The following PRPSAP1 variants were observed in gnomAD, a reference collection of about 807,000 sequenced individuals.
The protein encoded by PRPSAP1 is phosphoribosyl pyrophosphate synthetase associated protein 1.
In PRPSAP1, 31 loss-of-function variants were observed where a neutral mutation model predicts 39.4. The ratio of observed to expected loss-of-function variants is 0.79; its 90% confidence interval spans 0.59 to 1.06. The LOEUF (loss-of-function observed/expected upper bound fraction) is 1.06, where lower values mean the gene tolerates loss of function less well. PRPSAP1 is among the 50% of genes least tolerant of loss of function. The pLI is 0.00. For synonymous variants in PRPSAP1, 212 were observed against 192.6 expected, an observed-to-expected ratio of 1.10 and a Z score of -0.83; for missense variants, 430 against 511.6, an observed-to-expected ratio of 0.84 and a Z score of 1.54.
intron 2 of PRPSAP1, among the ~76,000 whole-genome samples, chr17:76,347,514 A>C (rs868052946): frequency 2.7e-5 from 4 of 147,648 alleles, no homozygotes; most frequent in African/African-American, 1.0e-4. Flanking sequence ...AAAAAAAAAG[A>C]AAGCAGACAG....
chr17:76,353,203 G>A, intron 1 of PRPSAP1: 1 of 271,858 alleles, frequency 3.7e-6, no homozygotes, highest in South Asian at 7.1e-5. Flanking sequence ...CAAGCCCTGA[G>A]CCCCTTTCCC....
At chr17:76,312,361 C>G (rs929371095) in intron 9 of PRPSAP1, among the ~76,000 whole-genome samples, 1 of 151,524 alleles carries the variant, frequency 6.6e-6, no homozygotes. Flanking sequence ...CGTTTGAACC[C>G]GGGAGGCAGA....
intron 8 of PRPSAP1, chr17:76,313,573 CAT>C: frequency 4.3e-6 from 2 of 468,696 alleles, no homozygotes; most frequent in Non-Finnish European, 7.6e-6. Context: ...CTAGAATCCA[CAT>C]GATGAAGGTG....
chr17:76,334,573 T>C (rs1457230128), intron 3 of PRPSAP1, among the ~76,000 whole-genome samples: 1 of 152,096 alleles, frequency 6.6e-6, no homozygotes, highest in Non-Finnish European at 1.5e-5. Context: ...GAACTTCCAA[T>C]TTCACCCTTG....
intron 7 of PRPSAP1, among the ~76,000 whole-genome samples, chr17:76,315,422 T>C (rs1026036309): frequency 6.6e-6 from 1 of 152,210 alleles, no homozygotes; most frequent in African/African-American, 2.4e-5. Context: ...ACAGGCACTG[T>C]GTATCTCAAA....
At position 76,313,857 on chromosome 17, in the gene PRPSAP1, TAC is replaced by T. The variant is rs760423254; in HGVS notation, c.814_815del (p.Val272SerfsTer14). On this transcript the variant is annotated frameshift_variant, in exon 8 of 10. Coordinates refer to ENST00000446526, the MANE Select transcript of PRPSAP1 (RefSeq NM_002766.3). LOFTEE classifies it high-confidence loss of function. ...MMAKEKPPIT[V>X]VGDVGGRIAI... ...CGATGCGGCCTCCAACATCTCCAAC[TAC>T]AGTTATCGGTGGCTTCTCTTTGGCC... The T allele has an allele frequency of 4.3e-6, 7 of 1,614,172 alleles. No individual in the cohort carries two copies. The highest frequency in any genetic ancestry group is 5.9e-6 in the Non-Finnish European group (7 of 1,180,034).
chr17:76,310,321 A>C lies in PRPSAP1; in HGVS notation c.*1221T>G, dbSNP rs1302769018. On this transcript the variant is annotated 3_prime_UTR_variant, in exon 10 of 10. Transcript: ENST00000446526. ...CTCTTTGTAGTCTTTTTATGCTTTT[A>C]ACTTAGCTAGGCTAATTTTTGTATT... 2.3e-5 allele frequency: 3 copies of C among 131,800 alleles called. No individual in the cohort carries two copies. Among genetic ancestry groups the C allele is most frequent in the African/African-American group, 1.1e-4 (3 of 28,458 alleles). 8.2% of individuals were successfully genotyped at this position (131,800 alleles called of 1,614,324 possible).
chr17:76,327,326 C>T (rs1281644614), intron 7 of PRPSAP1, among the ~76,000 whole-genome samples: 1 of 143,568 alleles, frequency 7.0e-6, no homozygotes. Flanking sequence ...CCAGCCTGGG[C>T]GACAGAACGA....
intron 3 of PRPSAP1, among the ~76,000 whole-genome samples, chr17:76,339,302 G>A (rs1292030206): frequency 6.6e-6 from 1 of 151,186 alleles, no homozygotes; most frequent in Non-Finnish European, 1.5e-5. Flanking sequence ...CTACTCAGGA[G>A]GCTGAGGCAG....
At chr17:76,340,094 C>T (rs141797711) in intron 3 of PRPSAP1, among the ~76,000 whole-genome samples, 1,724 of 147,240 alleles carry the variant, frequency 0.012, 87 homozygotes, top group African/African-American at 0.043. Flanking sequence ...TGCAGTGAGC[C>T]GAGATCGTGC....
chr17:76,335,385 C>T (rs528876583), intron 3 of PRPSAP1, among the ~76,000 whole-genome samples: 2 of 151,902 alleles, frequency 1.3e-5, no homozygotes, highest in African/African-American at 4.8e-5. Context: ...GATGGAAATT[C>T]GTTTTTGTCA....
chr17:76,350,709 TAAA>T (rs2071558879), intron 1 of PRPSAP1, among the ~76,000 whole-genome samples: 2 of 152,026 alleles, frequency 1.3e-5, no homozygotes, highest in Admixed American at 6.6e-5. Context: ...TGAATGTAGT[TAAA>T]GCCACTGAAG....
chr17:76,332,350 G>A lies in PRPSAP1; in HGVS notation c.376C>T (p.Pro126Ser), dbSNP rs2071331025. The change falls in exon 4 of 10, where the codon CCC (proline) becomes TCC (serine). Residue 126 changes from proline (P) to serine (S), a missense_variant. This residue lies in a region of PRPSAP1 where 278 missense variants were observed against 376.3 expected (regional missense o/e 0.74). Transcript: ENST00000446526. ...CTCTGCTTGCTGTAGGGGAAGTAGG[G>A]GATGACCCCAATAATGTTCCTGGCA... ...ACARNIIGVI[P>S]YFPYSKQSKM... 1 of 1,614,004 alleles carries A rather than the reference G, an allele frequency of 6.2e-7. No homozygotes were observed. The highest frequency in any genetic ancestry group is 1.3e-5 in the African/African-American group (1 of 74,896).
intron 7 of PRPSAP1, among the ~76,000 whole-genome samples, chr17:76,317,816 C>G (rs182239167): frequency 6.6e-6 from 1 of 152,196 alleles, no homozygotes; most frequent in East Asian, 1.9e-4. Context: ...TTCAGCAGAA[C>G]CCCCAACATA....
At chr17:76,312,163 G>A (rs778314207) in intron 9 of PRPSAP1, among the ~76,000 whole-genome samples, 4 of 152,136 alleles carry the variant, frequency 2.6e-5, no homozygotes, top group East Asian at 1.9e-4. Context: ...CATTTAGGCC[G>A]GGCACAGTGG....
intron 3 of PRPSAP1, among the ~76,000 whole-genome samples, chr17:76,341,686 T>A (rs2071440600): frequency 1.3e-5 from 2 of 152,366 alleles, no homozygotes; most frequent in Admixed American, 1.3e-4. Context: ...ACGCCTATAA[T>A]CCCAGCACTT....
At chr17:76,352,107 G>GT (rs2071581763) in intron 1 of PRPSAP1, among the ~76,000 whole-genome samples, 1 of 150,640 alleles carries the variant, frequency 6.6e-6, no homozygotes, top group South Asian at 2.1e-4. Context: ...AATGACTAAA[G>GT]TTTTCCCTTT....
In PRPSAP1 at chr17:76,332,356, C is replaced by T. The variant is rs1167329503; in HGVS notation, c.370G>A (p.Val124Ile). ...TTGCTGTAGGGGAAGTAGGGGATGA[C>T]CCCAATAATGTTCCTGGCACAGGCA... The part of the protein sequence containing the change: ...KTACARNIIG[V>I]IPYFPYSKQS... The change falls in exon 4 of 10, where the codon GTC becomes ATC. Residue 124 changes from valine to isoleucine, a missense_variant. By Grantham distance (29) the Val-to-Ile change is conservative. Around this residue, in one of 2 missense-constraint regions of PRPSAP1, gnomAD observed 278 missense variants for 376.3 expected, o/e 0.74. Transcript: ENST00000446526. 1 of 1,614,192 alleles carries T rather than the reference C, an allele frequency of 6.2e-7. No individual in the cohort carries two copies. Among genetic ancestry groups the T allele is most frequent in the East Asian group, 2.2e-5 (1 of 44,888 alleles).
chr17:76,332,798 A>G (rs2071336891), intron 3 of PRPSAP1, among the ~76,000 whole-genome samples: 1 of 152,186 alleles, frequency 6.6e-6, no homozygotes, highest in Admixed American at 6.5e-5. Flanking sequence ...GCCAGCTTGA[A>G]TGCCAAGGGA....
Sources: allele counts gnomAD v4.1 joint callset (sites outside exome capture counted in the v4.1 genomes callset), GRCh38; gene constraint gnomAD v4.1.1; regional missense constraint gnomAD v4.1.1; transcripts MANE v1.5; gene names NCBI Gene and HGNC (gene_info 2026-07-23, HGNC 2026-07-21).